MAPK9: variants seen among roughly 807,000 people sequenced by gnomAD.
The protein encoded by MAPK9 is mitogen-activated protein kinase 9.
In MAPK9, 30 loss-of-function variants were observed where a neutral mutation model predicts 57.1. The observed-to-expected ratio is 0.53, with a 90% CI of 0.39 to 0.71. The LOEUF is 0.71. MAPK9 is among the 30% of genes least tolerant of loss of function. The pLI is 0.00. For missense variants in MAPK9, 362 were observed against 521.0 expected, an observed-to-expected ratio of 0.69 and a Z score of 2.97; for synonymous variants, 155 against 177.0, an observed-to-expected ratio of 0.88 and a Z score of 0.99.
chr5:180,287,082 G>C (rs1664281674), intron 1 of MAPK9: 1 of 152,196 alleles, frequency 6.6e-6, no homozygotes, highest in Non-Finnish European at 1.5e-5. Flanking sequence ...AAAGACAAAA[G>C]TATAGAGATG....
At position 180,269,225 on chromosome 5, in the gene MAPK9, T is replaced by A. The variant is rs563101719; in HGVS notation, c.252+55A>T. 4.4e-5 allele frequency: 69 copies of A among 1,554,028 alleles called. No individual in the cohort carries two copies. The African/African-American group carries it at 8.3e-4, about 19-fold the overall frequency. On this transcript the variant is annotated intron_variant, in intron 3 of 11. Coordinates refer to ENST00000452135, the MANE Select transcript of MAPK9 (RefSeq NM_002752.5). ...ATGTATCTCCAGAAAACCCTGAAGA[T>A]TACCACATTATTGACAATATGGAAG...
chr5:180,269,847 T>C (rs985216661), intron 2 of MAPK9, among the ~76,000 whole-genome samples: 6 of 152,208 alleles, frequency 3.9e-5, no homozygotes, highest in African/African-American at 1.4e-4. Context: ...GGAGAATAAA[T>C]CTAAATTTTG....
intron 1 of MAPK9, chr5:180,286,918 A>G (rs79390532): frequency 6.6e-6 from 1 of 152,290 alleles, no homozygotes; most frequent in Non-Finnish European, 1.5e-5. Flanking sequence ...TAAATGGTTA[A>G]ACTAACTGCT....
intron 1 of MAPK9, among the ~76,000 whole-genome samples, chr5:180,287,832 A>T (rs1053945431): frequency 4.6e-5 from 7 of 152,040 alleles, no homozygotes; most frequent in Admixed American, 4.6e-4. Flanking sequence ...GTCTACTTAC[A>T]CTTCTACTCT....
intron 3 of MAPK9, among the ~76,000 whole-genome samples, chr5:180,268,565 C>T (rs1213988311): frequency 1.3e-5 from 2 of 152,246 alleles, no homozygotes; most frequent in East Asian, 1.9e-4. Flanking sequence ...CCATGGCTCA[C>T]GCCTGTAATC....
chr5:180,288,332 A>C (rs1762948689), intron 1 of MAPK9, among the ~76,000 whole-genome samples: 1 of 152,266 alleles, frequency 6.6e-6, no homozygotes, highest in African/African-American at 2.4e-5. Context: ...CTATGGATTA[A>C]GAGAAACTTA....
At chr5:180,279,830 G>C (rs150821185) in intron 2 of MAPK9, 2 of 456,514 alleles carry the variant, frequency 4.4e-6, no homozygotes, top group African/African-American at 2.0e-5. Context: ...GCGGCTGACC[G>C]TCTTACCATG....
chr5:180,247,311 C>G lies in MAPK9; in HGVS notation c.688+128G>C. The G allele has an allele frequency of 1.0e-6, 1 of 955,252 alleles. No individual in the cohort carries two copies. Among genetic ancestry groups the G allele is most frequent in the Non-Finnish European group, 1.6e-6 (1 of 617,794 alleles). 59.2% of individuals were successfully genotyped at this position (955,252 alleles called of 1,614,324 possible). A position where few individuals can be genotyped will look rare whatever the true frequency, so the allele number is the denominator to read the frequency against. On this transcript the variant is annotated intron_variant, in intron 7 of 11. Coordinates refer to ENST00000452135, the MANE Select transcript of MAPK9 (RefSeq NM_002752.5). This position sits in a 1 kb window ranked among gnomAD's most constrained non-coding sequence, Gnocchi z 4.5. ...ACACTAATTAACAAATACAGTAAAG[C>G]CCCCCTTAGAACACAGTCTGGAGTG...
Position 180,264,783 on chromosome 5 carries a change from A to G in MAPK9, c.309T>C (p.Asp103=). The change falls in exon 4 of 12, where the codon GAT becomes GAC. Residue 103 remains aspartate, a splice_region_variant and synonymous_variant. Transcript: ENST00000452135. ...TPQKTLEEFQ[D]VYLVMELMDA... is the part of the protein sequence containing the mutation. ...TACTGAATAAAAATGATACTTACAC[A>G]TCTTGAAATTCTTCTAGAGTTTTTT... 5 of 1,569,854 alleles carry G rather than the reference A, an allele frequency of 3.2e-6. No homozygotes were observed. Among genetic ancestry groups the G allele is most frequent in the Non-Finnish European group, 4.3e-6 (5 of 1,157,524 alleles).
intron 2 of MAPK9, among the ~76,000 whole-genome samples, chr5:180,277,062 A>G (rs1042269662): frequency 2.0e-5 from 3 of 152,192 alleles, no homozygotes; most frequent in African/African-American, 7.2e-5. Context: ...TTATCTGCAC[A>G]CCTGCCCTTC....
At chr5:180,257,790 T>C in intron 5 of MAPK9, 1 of 169,860 alleles carries the variant, frequency 5.9e-6, no homozygotes, top group South Asian at 1.6e-4. Flanking sequence ...GTAGTCATTG[T>C]GGAGAAATAT....
chr5:180,247,544 T>C lies in MAPK9; in HGVS notation c.617-34A>G, dbSNP rs891516318. 7.6e-6 allele frequency: 12 copies of C among 1,579,472 alleles called. No individual in the cohort carries two copies. The highest frequency in any genetic ancestry group is 1.7e-5 in the Admixed American group (1 of 59,402). ...AAAATGAAATGATAAAATTATGAAGTGCCATGAACAAAACAAAAGTGAGGA... is the reference window on the plus strand; with the variant it reads ...AAAATGAAATGATAAAATTATGAAGCGCCATGAACAAAACAAAAGTGAGGA... On this transcript the variant is annotated intron_variant, in intron 6 of 11. Transcript: ENST00000452135. The surrounding 1 kb of genome is among the most constrained non-coding windows in gnomAD (Gnocchi z 4.5).
In MAPK9 at chr5:180,247,161, T is replaced by C. The variant is rs1758190812; in HGVS notation, c.688+278A>G. 2.0e-6 allele frequency: 1 copy of C among 495,414 alleles called. No homozygotes were observed. The highest frequency in any genetic ancestry group is 3.8e-5 in the Admixed American group (1 of 26,522). The allele number at this position is 495,414 out of a possible 1,614,324, so 30.7% of individuals were successfully genotyped here. Reference sequence around the variant, plus strand: ...ATCAAAGAGTAAATAATTTCTTCTATGTGTCCAGCTATTTTTGGCAAAATT... The same window carrying C: ...ATCAAAGAGTAAATAATTTCTTCTACGTGTCCAGCTATTTTTGGCAAAATT... On this transcript the variant is annotated intron_variant, in intron 7 of 11. Transcript: ENST00000452135. This position sits in a 1 kb window ranked among gnomAD's most constrained non-coding sequence, Gnocchi z 4.5.
In MAPK9 at chr5:180,249,143, G is replaced by C; in HGVS notation, c.451-5C>G. 1 of 1,601,654 alleles carries C rather than the reference G, an allele frequency of 6.2e-7. No homozygotes were observed. The highest frequency in any genetic ancestry group is 1.1e-5 in the South Asian group (1 of 89,322). Reference sequence around the variant, plus strand: ...AATGTTGCTAGGCTTCAAATCCTAGGAAAGAAATGGCTTAAATTAGTAAAA... The same window carrying C: ...AATGTTGCTAGGCTTCAAATCCTAGCAAAGAAATGGCTTAAATTAGTAAAA... On this transcript the variant is annotated splice_polypyrimidine_tract_variant and splice_region_variant and intron_variant, in intron 5 of 11. Transcript: ENST00000452135.
intron 7 of MAPK9, among the ~76,000 whole-genome samples, chr5:180,243,052 T>G (rs576913994): frequency 2.0e-5 from 3 of 152,334 alleles, no homozygotes; most frequent in Middle Eastern, 3.4e-3. Flanking sequence ...AGAATACCTA[T>G]AGCAAAAATG....
chr5:180,281,827 G>T (rs942125772), intron 1 of MAPK9, among the ~76,000 whole-genome samples: 1 of 152,234 alleles, frequency 6.6e-6, no homozygotes, highest in Non-Finnish European at 1.5e-5. Flanking sequence ...CAGTGTGGCT[G>T]CCACTCTGAC....
intron 3 of MAPK9, 79 bp from the exon 4 acceptor site, chr5:180,264,918 TAA>T: frequency 8.6e-7 from 1 of 1,165,990 alleles, no homozygotes; most frequent in South Asian, 1.7e-5. Flanking sequence ...TGAAATGCAT[TAA>T]GACGGGAAAA....
chr5:180,239,827 C>T (rs34506896), intron 10 of MAPK9, 97 bp downstream of exon 10: 15,111 of 1,213,798 alleles, frequency 0.012, 138 homozygotes, highest in Non-Finnish European at 0.015. Flanking sequence ...GGTTTCTTGC[C>T]CCTTCCTGAA....
chr5:180,267,587 AG>A (rs1265196612), intron 3 of MAPK9, among the ~76,000 whole-genome samples: 3 of 150,814 alleles, frequency 2.0e-5, no homozygotes, highest in African/African-American at 2.4e-5. Flanking sequence ...AAAAAGAAAA[AG>A]TAAAATAAAG....
Sources: gnomAD v4.1 joint callset for allele counts (sites outside exome capture counted in the v4.1 genomes callset) on GRCh38, gnomAD v4.1.1 for gene constraint, Gnocchi (gnomAD v3.1) non-coding constraint, MANE v1.5 for transcripts, NCBI Gene and HGNC (gene_info 2026-07-23, HGNC 2026-07-21) for gene names.